The following UBE2D1 variants were observed in gnomAD, a reference collection of about 807,000 sequenced individuals.
UBE2D1 encodes ubiquitin conjugating enzyme E2 D1.
UBE2D1 carries 9 observed loss-of-function variants against 24.6 expected under a neutral mutation model. The observed-to-expected ratio is 0.37, with a 90% CI of 0.22 to 0.64. The LOEUF is 0.64. UBE2D1 is among the 30% of genes least tolerant of loss of function. The pLI is 0.64. For synonymous variants in UBE2D1, 57 were observed against 57.6 expected (o/e 0.99, Z 0.04); for missense variants, 87 against 177.1 (o/e 0.49, Z 2.89).
intron 1 of UBE2D1, among the ~76,000 whole-genome samples, chr10:58,350,937 G>C (rs765400764): frequency 2.0e-5 from 3 of 152,148 alleles, no homozygotes; most frequent in African/African-American, 7.2e-5. Context: ...TTACCGTGCT[G>C]ATACTGTAGG....
At chr10:58,350,575 T>G (rs11599360) in intron 1 of UBE2D1, among the ~76,000 whole-genome samples, 22,501 of 152,220 alleles carry the variant, frequency 0.15, 2,155 homozygotes, top group Non-Finnish European at 0.22. Context: ...ACTTTTAATG[T>G]GCCTTTTGGT....
At chr10:58,365,108 A>T (rs1488427091) in intron 5 of UBE2D1, among the ~76,000 whole-genome samples, 1 of 152,206 alleles carries the variant, frequency 6.6e-6, no homozygotes, top group African/African-American at 2.4e-5. Flanking sequence ...ACCTTAAAAT[A>T]TCAGAGCTAG....
intron 1 of UBE2D1, among the ~76,000 whole-genome samples, chr10:58,359,227 A>T (rs944646885): frequency 3.0e-4 from 46 of 152,068 alleles, no homozygotes; most frequent in African/African-American, 1.1e-3. Context: ...TATTGCAGTG[A>T]TTCTAAGGTG....
At chr10:58,361,705 C>T (rs117568928) in intron 3 of UBE2D1, among the ~76,000 whole-genome samples, 179 bp downstream of exon 3, 2,609 of 152,102 alleles carry the variant, frequency 0.017, 33 homozygotes, top group Middle Eastern at 0.027. Flanking sequence ...GCAAATATTT[C>T]CTGGGATCAC....
At chr10:58,344,674 C>T (rs770805754) in intron 1 of UBE2D1, among the ~76,000 whole-genome samples, 11 of 151,962 alleles carry the variant, frequency 7.2e-5, no homozygotes, top group Non-Finnish European at 1.6e-4. Flanking sequence ...ATCTTATTCT[C>T]TAACTAAAGA....
intron 1 of UBE2D1, among the ~76,000 whole-genome samples, chr10:58,344,740 C>T (rs1839997584): frequency 6.6e-6 from 1 of 152,040 alleles, no homozygotes; most frequent in Non-Finnish European, 1.5e-5. Context: ...GGTAACATAA[C>T]GTGGTTCTCT....
chr10:58,343,901 G>A (rs1365426849), intron 1 of UBE2D1, among the ~76,000 whole-genome samples: 2 of 152,128 alleles, frequency 1.3e-5, no homozygotes, highest in Non-Finnish European at 1.5e-5. Flanking sequence ...TTAATAAATA[G>A]GCAGCTAGGT....
At chr10:58,335,312 G>C (rs1489550993) in intron 1 of UBE2D1, 87 bp downstream of exon 1, 34 of 1,385,598 alleles carry the variant, frequency 2.5e-5, no homozygotes, top group Non-Finnish European at 3.1e-5. Context: ...GACATGCGGG[G>C]AGAGCAAGGG....
chr10:58,342,823 GTTTTTTTTTTGTTT>G (rs1839975816), intron 1 of UBE2D1, among the ~76,000 whole-genome samples: 1 of 138,762 alleles, frequency 7.2e-6, no homozygotes, highest in African/African-American at 2.6e-5. Flanking sequence ...GTTTTTTTTG[GTTTTTTTTTTGTTT>G]TTTTTTTTTT....
intron 1 of UBE2D1, among the ~76,000 whole-genome samples, chr10:58,353,221 G>T (rs532844960): frequency 1.3e-5 from 2 of 152,134 alleles, no homozygotes; most frequent in African/African-American, 4.8e-5. Flanking sequence ...TGCCTTGGAG[G>T]GGTATAGTTG....
intron 1 of UBE2D1, among the ~76,000 whole-genome samples, chr10:58,345,112 G>A (rs1305380216): frequency 1.3e-5 from 2 of 152,038 alleles, no homozygotes; most frequent in Non-Finnish European, 1.5e-5. Context: ...TGATCCACCC[G>A]CCTTGGCCTC....
chr10:58,353,643 T>A (rs1204179050), intron 1 of UBE2D1, among the ~76,000 whole-genome samples: 3 of 152,198 alleles, frequency 2.0e-5, no homozygotes, highest in Admixed American at 6.5e-5. Context: ...ATTCTGTAAA[T>A]TGAAAATAGT....
intron 1 of UBE2D1, among the ~76,000 whole-genome samples, chr10:58,337,574 A>G (rs1045638295): frequency 1.4e-4 from 21 of 152,150 alleles, no homozygotes; most frequent in African/African-American, 4.6e-4. Context: ...TCCTGTACCT[A>G]TAGATGGTGG....
chr10:58,340,308 G>A (rs1002447910), intron 1 of UBE2D1, among the ~76,000 whole-genome samples: 1 of 152,126 alleles, frequency 6.6e-6, no homozygotes, highest in Non-Finnish European at 1.5e-5. Flanking sequence ...CGATATCAGA[G>A]TACTACTTGC....
chr10:58,349,317 G>A (rs903642315), intron 1 of UBE2D1, among the ~76,000 whole-genome samples: 4 of 151,924 alleles, frequency 2.6e-5, no homozygotes, highest in Non-Finnish European at 4.4e-5. Context: ...CTACTTTTTT[G>A]TGGAACATAC....
chr10:58,338,327 C>G (rs986192648), intron 1 of UBE2D1, among the ~76,000 whole-genome samples: 1 of 152,114 alleles, frequency 6.6e-6, no homozygotes, highest in Non-Finnish European at 1.5e-5. Context: ...CTAGAATATA[C>G]TAAATGATTT....
At chr10:58,336,390 G>A (rs1839903564) in intron 1 of UBE2D1, among the ~76,000 whole-genome samples, 1 of 152,192 alleles carries the variant, frequency 6.6e-6, no homozygotes, top group Admixed American at 6.5e-5. Context: ...AATAGTATAT[G>A]TTAGAGCAGT....
chr10:58,356,948 T>A (rs1454257184), intron 1 of UBE2D1, among the ~76,000 whole-genome samples: 2 of 152,060 alleles, frequency 1.3e-5, no homozygotes, highest in African/African-American at 4.8e-5. Context: ...CCATGAAGAG[T>A]TCTTGGCAGG....
At chr10:58,359,452 A>T (rs1156704383) in intron 1 of UBE2D1, among the ~76,000 whole-genome samples, 1 of 152,184 alleles carries the variant, frequency 6.6e-6, no homozygotes, top group Non-Finnish European at 1.5e-5. Flanking sequence ...TAAATATCAG[A>T]TATATGCAAT....
Sources: allele counts gnomAD v4.1 joint callset (sites outside exome capture counted in the v4.1 genomes callset), GRCh38; gene constraint gnomAD v4.1.1; transcripts MANE v1.5; gene names NCBI Gene and HGNC (gene_info 2026-07-23, HGNC 2026-07-21).